Variants in TSHZ3 observed in about 807,000 individuals in gnomAD.
TSHZ3 encodes the protein teashirt homolog 3.
TSHZ3 carries 10 observed loss-of-function variants against 64.5 expected under a neutral mutation model. The observed-to-expected ratio is 0.16, with a 90% CI of 0.10 to 0.26. The LOEUF (loss-of-function observed/expected upper bound fraction) is 0.26, where lower values mean the gene tolerates loss of function less well. TSHZ3 is among the 10% of genes least tolerant of loss of function. The probability of loss-of-function intolerance (pLI) is 1.00; values close to 1 mark genes in which losing one functional copy is unlikely to be tolerated. For synonymous variants in TSHZ3, 608 were observed against 593.1 expected (o/e 1.03, Z -0.36); for missense variants, 1,242 against 1,421.7 (o/e 0.87, Z 2.03).
chr19:31,330,784 G>A (rs962504346), intron 1 of TSHZ3, among the ~76,000 whole-genome samples: 14 of 152,076 alleles, frequency 9.2e-5, no homozygotes, highest in Non-Finnish European at 1.9e-4. Context: ...GACCCCAGAC[G>A]GAGGTGTCAG....
At chr19:31,170,433 G>A (rs1012470156) in intron 5 of TSHZ3, among the ~76,000 whole-genome samples, 1 of 152,076 alleles carries the variant, frequency 6.6e-6, no homozygotes, top group Non-Finnish European at 1.5e-5. Flanking sequence ...TGAGGTGTAG[G>A]GCCTCAACAT....
chr19:31,259,904 C>G (rs1219267575), intron 1 of TSHZ3, among the ~76,000 whole-genome samples: 3 of 152,154 alleles, frequency 2.0e-5, no homozygotes, highest in Non-Finnish European at 4.4e-5. Context: ...CCCAAGATCC[C>G]AGGTCTCTTG....
intron 1 of TSHZ3, among the ~76,000 whole-genome samples, chr19:31,330,390 C>T (rs1010621324): frequency 1.3e-5 from 2 of 152,172 alleles, no homozygotes; most frequent in African/African-American, 4.8e-5. Context: ...CGGGAGGTGG[C>T]CTCCGGGCTG....
intron 1 of TSHZ3, among the ~76,000 whole-genome samples, chr19:31,336,122 TC>T (rs1180477833): frequency 1.3e-5 from 2 of 152,208 alleles, no homozygotes; most frequent in African/African-American, 4.8e-5. Context: ...AAGCATAGTA[TC>T]CAAAAATAAA....
At chr19:31,155,086 G>T (rs983789306) in intron 6 of TSHZ3, among the ~76,000 whole-genome samples, 2 of 152,346 alleles carry the variant, frequency 1.3e-5, no homozygotes, top group East Asian at 3.9e-4. Context: ...GACCAGCCCT[G>T]TCTGGAATCA....
intron 3 of TSHZ3, among the ~76,000 whole-genome samples, chr19:31,234,231 G>A (rs530126039): frequency 2.3e-4 from 35 of 152,018 alleles, no homozygotes; most frequent in Admixed American, 4.6e-4. Context: ...ATTCTGTGAC[G>A]TTGCTAAATT....
At chr19:31,299,664 G>C (rs1490789898) in intron 1 of TSHZ3, among the ~76,000 whole-genome samples, 1 of 152,104 alleles carries the variant, frequency 6.6e-6, no homozygotes, top group Non-Finnish European at 1.5e-5. Context: ...TGCTCCAAAG[G>C]TCCCCGTGTC....
chr19:31,154,520 C>T (rs56704294), intron 6 of TSHZ3, among the ~76,000 whole-genome samples: 3,548 of 152,156 alleles, frequency 0.023, 156 homozygotes, highest in African/African-American at 0.08. Context: ...GTCACATGAC[C>T]AGGAAAAATA....
intron 5 of TSHZ3, among the ~76,000 whole-genome samples, chr19:31,163,743 G>C (rs776248606): frequency 2.6e-5 from 4 of 152,060 alleles, no homozygotes; most frequent in Non-Finnish European, 4.4e-5. Flanking sequence ...AACAAACAAA[G>C]AACAAGAAAG....
At chr19:31,210,654 C>T (rs1975250694) in intron 4 of TSHZ3, among the ~76,000 whole-genome samples, 2 of 152,138 alleles carry the variant, frequency 1.3e-5, no homozygotes, top group African/African-American at 4.8e-5. Flanking sequence ...AAGCTCTGAT[C>T]AAGAGCTGAA....
chr19:31,341,152 G>A (rs1266146890), intron 1 of TSHZ3, among the ~76,000 whole-genome samples: 3 of 152,052 alleles, frequency 2.0e-5, no homozygotes, highest in East Asian at 1.9e-4. Context: ...AGCTCATTAC[G>A]GGTGTCCAGC....
intron 1 of TSHZ3, among the ~76,000 whole-genome samples, chr19:31,263,699 C>T (rs185581945): frequency 3.9e-5 from 6 of 152,186 alleles, no homozygotes; most frequent in Non-Finnish European, 7.3e-5. Context: ...GGGTCCCCCC[C>T]ACTCCTCACA....
intron 1 of TSHZ3, among the ~76,000 whole-genome samples, chr19:31,301,881 C>T (rs1305500408): frequency 1.3e-5 from 2 of 152,108 alleles, no homozygotes; most frequent in Admixed American, 1.3e-4. Flanking sequence ...ATGAGGTCCA[C>T]AGGTGGAGAC....
intron 6 of TSHZ3, among the ~76,000 whole-genome samples, chr19:31,153,762 T>C (rs1974268989): frequency 6.6e-6 from 1 of 152,236 alleles, no homozygotes; most frequent in African/African-American, 2.4e-5. Flanking sequence ...TGACTAAATA[T>C]GTGCTTAATA....
chr19:31,341,124 A>T (rs1378472729), intron 1 of TSHZ3, among the ~76,000 whole-genome samples: 1 of 152,178 alleles, frequency 6.6e-6, no homozygotes, highest in East Asian at 1.9e-4. Flanking sequence ...GACCTCTGTA[A>T]CACTTGGGAC....
chr19:31,328,069 C>T (rs867989378), intron 1 of TSHZ3, among the ~76,000 whole-genome samples: 5 of 152,186 alleles, frequency 3.3e-5, no homozygotes, highest in Non-Finnish European at 5.9e-5. Context: ...TATCTCTGTC[C>T]TCTGAAGAAG....
rs547232763 is a variant in TSHZ3 at position 31,201,296 on chromosome 19, TGAC to T, written n.809+3657_809+3659del. On this transcript the variant is annotated intron_variant and non_coding_transcript_variant, in intron 5 of 6. Coordinates refer to the TSHZ3 transcript ENST00000651361. ...ACAGATGGATGAGAAAGTTATAAAA[TGAC>T]TTAAAAATATCAATCTCTTCGTGTT... Among the ~76,000 whole-genome samples, 893 of 152,230 alleles carry T rather than the reference TGAC, an allele frequency of 5.9e-3. 7 individuals are homozygous for T. Among genetic ancestry groups the T allele is most frequent in the African/African-American group, 0.02 (844 of 41,544 alleles).
chr19:31,288,901 G>A (rs1976512872), intron 1 of TSHZ3, among the ~76,000 whole-genome samples: 1 of 152,142 alleles, frequency 6.6e-6, no homozygotes, highest in African/African-American at 2.4e-5. Context: ...AGGCAGGGAG[G>A]CCCTGGGTCT....
intron 1 of TSHZ3, among the ~76,000 whole-genome samples, chr19:31,341,762 A>T (rs1463178814): frequency 6.6e-6 from 1 of 150,866 alleles, no homozygotes; most frequent in African/African-American, 2.4e-5. Flanking sequence ...CTCCTCACTC[A>T]CTCCTAGGCC....
Sources: allele counts gnomAD v4.1 joint callset (sites outside exome capture counted in the v4.1 genomes callset), GRCh38; gene constraint gnomAD v4.1.1; transcripts MANE v1.5; gene names NCBI Gene and HGNC (gene_info 2026-07-23, HGNC 2026-07-21).